ZNF638: variants seen among roughly 807,000 people sequenced by gnomAD.
ZNF638 encodes CTCL tumor antigen se33-1.
ZNF638 carries 46 observed loss-of-function variants against 195.6 expected under a neutral mutation model. That is an observed-to-expected ratio of 0.24 (90% CI 0.19 to 0.30). The LOEUF is 0.30. ZNF638 is among the 10% of genes least tolerant of loss of function. The probability of loss-of-function intolerance (pLI) is 1.00; values close to 1 mark genes in which losing one functional copy is unlikely to be tolerated. For synonymous variants in ZNF638, 845 were observed against 772.0 expected, an observed-to-expected ratio of 1.09 and a Z score of -1.57; for missense variants, 2,440 against 2,325.3, an observed-to-expected ratio of 1.05 and a Z score of -1.01.
chr2:71,407,982 TG>T, intron 19 of ZNF638, 139 bp from the exon 20 acceptor site: 2 of 700,658 alleles, frequency 2.9e-6, no homozygotes, highest in Non-Finnish European at 2.2e-6. Context: ...TCTGTGAACA[TG>T]GGTGTACAAA....
chr2:71,410,992 C>CATTT lies in ZNF638; in HGVS notation c.3261+2745_3261+2746insATTT, dbSNP rs1553484599. On this transcript the variant is annotated intron_variant, in intron 20 of 27. Coordinates refer to ENST00000264447, the MANE Select transcript of ZNF638 (RefSeq NM_014497.5). The stretch of plus-strand genomic sequence containing the variant: ...CTCCCCACCCACCACCTCCCCCCCC[C>CATTT]TTTTTTTTTTTTTTTTTTTTGTCGA... 9.4e-4 allele frequency among the ~76,000 whole-genome samples: 23 copies of CATTT among 24,508 alleles called. 2 individuals are homozygous for CATTT. Among genetic ancestry groups the CATTT allele is most frequent in the Non-Finnish European group, 1.5e-3 (20 of 12,952 alleles). 16.1% of individuals were successfully genotyped at this position (24,508 alleles called of 152,430 possible). A position where few individuals can be genotyped will look rare whatever the true frequency, so the allele number is the denominator to read the frequency against.
Position 71,386,052 on chromosome 2 carries a change from A to T in ZNF638, c.2377+5487A>T, listed in dbSNP as rs574106432. On this transcript the variant is annotated intron_variant, in intron 10 of 27. Transcript: ENST00000264447. Reference sequence around the variant, plus strand: ...AGAACATATGATCCTTTCCATAAATACTGAAAGGGATATTAACTTCAACAT... The same window carrying T: ...AGAACATATGATCCTTTCCATAAATTCTGAAAGGGATATTAACTTCAACAT... Among the ~76,000 whole-genome samples the T allele has an allele frequency of 1.1e-3, 172 of 152,310 alleles. 1 individual carries two copies. Among genetic ancestry groups the T allele is most frequent in the African/African-American group, 4.0e-3 (166 of 41,558 alleles).
At chr2:71,430,266 GAT>G (rs2080630363) in intron 25 of ZNF638, among the ~76,000 whole-genome samples, 1 of 152,016 alleles carries the variant, frequency 6.6e-6, no homozygotes. Flanking sequence ...GGCAGGAACA[GAT>G]ATGTTTGGGA....
intron 1 of ZNF638, chr2:71,341,815 T>TA (rs1383978952): frequency 6.6e-6 from 1 of 152,176 alleles, no homozygotes; most frequent in East Asian, 1.9e-4. Context: ...ATGGCTGTCT[T>TA]AATTTGTTTG....
rs967416236 is a variant in ZNF638 at position 71,430,462 on chromosome 2, C to A, written c.5651-865C>A. 2.0e-5 allele frequency among the ~76,000 whole-genome samples: 3 copies of A among 152,022 alleles called. 1 individual carries two copies. Among genetic ancestry groups the A allele is most frequent in the Non-Finnish European group, 4.4e-5 (3 of 68,008 alleles). On this transcript the variant is annotated intron_variant, in intron 25 of 27. Coordinates refer to ENST00000264447, the MANE Select transcript of ZNF638 (RefSeq NM_014497.5). ...AATGATTTCAGAGTTCCTTGCCATC[C>A]CCTCAGGAATACTAAAGAGTAGCCC...
intron 1 of ZNF638, among the ~76,000 whole-genome samples, chr2:71,339,092 C>T (rs900249812): frequency 8.0e-5 from 12 of 150,592 alleles, no homozygotes; most frequent in African/African-American, 2.7e-4. Context: ...ACTGTATGCT[C>T]ATCTGCACTT....
Position 71,337,544 on chromosome 2 carries a change from C to G in ZNF638, c.-203+5669C>G, listed in dbSNP as rs542047067. On this transcript the variant is annotated intron_variant, in intron 1 of 27. Transcript: ENST00000264447. Reference sequence around the variant, plus strand: ...CCTCCCAAGTGGCTGGGAGTACTGGCTCAGGCGCGCACCACCATGCCTGGC... The same window carrying G: ...CCTCCCAAGTGGCTGGGAGTACTGGGTCAGGCGCGCACCACCATGCCTGGC... Among the ~76,000 whole-genome samples the G allele has an allele frequency of 9.9e-4, 148 of 150,190 alleles. 2 individuals carry two copies. The highest frequency in any genetic ancestry group is 3.2e-3 in the African/African-American group (133 of 41,004).
intron 3 of ZNF638, among the ~76,000 whole-genome samples, chr2:71,362,111 A>G (rs1179749908): frequency 1.3e-5 from 2 of 152,224 alleles, no homozygotes; most frequent in Non-Finnish European, 2.9e-5. Context: ...AGAAGTTGAG[A>G]GTGAAGATAC....
chr2:71,396,539 TTAAG>T (rs2079898022), intron 11 of ZNF638, among the ~76,000 whole-genome samples: 1 of 152,360 alleles, frequency 6.6e-6, no homozygotes, highest in South Asian at 2.1e-4. Flanking sequence ...TAGGTAATTA[TTAAG>T]TTTTTTCTCT....
At chr2:71,433,370 C>A in intron 27 of ZNF638, 87 bp downstream of exon 27, 1 of 952,186 alleles carries the variant, frequency 1.1e-6, no homozygotes, top group Non-Finnish European at 1.7e-6. Flanking sequence ...ACATTTCCCC[C>A]CGCTTTAGGA....
chr2:71,431,486 G>A (rs186239871), intron 26 of ZNF638, 58 bp downstream of exon 26: 131 of 1,502,438 alleles, frequency 8.7e-5, no homozygotes, highest in African/African-American at 7.1e-4. Context: ...TCGGCCGGGC[G>A]CGGTGGCTCA....
At chr2:71,430,321 G>A (rs2152608709) in intron 25 of ZNF638, among the ~76,000 whole-genome samples, 2 of 152,264 alleles carry the variant, frequency 1.3e-5, no homozygotes, top group African/African-American at 4.8e-5. Flanking sequence ...TATAGAAAGA[G>A]ATTGGAGGCA....
chr2:71,368,426 A>T lies in ZNF638; in HGVS notation c.2040A>T (p.Ile680=), dbSNP rs1558847213. Residue 680 remains isoleucine (I), a synonymous_variant, in exon 7 of 28, where the codon ATA becomes ATT. Coordinates refer to ENST00000264447, the MANE Select transcript of ZNF638 (RefSeq NM_014497.5). ...TGCATTATGGTTCGGTTCTTCTTATAACTGAATTACCAGAGGATGGTTGTA... is the reference window on the plus strand; with the variant it reads ...TGCATTATGGTTCGGTTCTTCTTATTACTGAATTACCAGAGGATGGTTGTA... ...QSLHYGSVLL[I]TELPEDGCTE... is the part of the protein sequence containing the mutation. 6.2e-7 allele frequency: 1 copy of T among 1,613,464 alleles called. No individual in the cohort carries two copies. The highest frequency in any genetic ancestry group is 8.5e-7 in the Non-Finnish European group (1 of 1,179,752).
chr2:71,352,182 A>G (rs557255887), intron 2 of ZNF638, among the ~76,000 whole-genome samples: 1 of 152,148 alleles, frequency 6.6e-6, no homozygotes, highest in South Asian at 2.1e-4. Flanking sequence ...TGCCTGTATA[A>G]AGAGGAGGAG....
chr2:71,419,841 TTCTCC>T (rs1441914704), intron 21 of ZNF638, among the ~76,000 whole-genome samples: 1 of 152,030 alleles, frequency 6.6e-6, no homozygotes, highest in Non-Finnish European at 1.5e-5. Context: ...TTGGTCATTG[TTCTCC>T]TCTCATTGTT....
intron 26 of ZNF638, among the ~76,000 whole-genome samples, chr2:71,431,787 A>G (rs2080670149): frequency 6.6e-6 from 1 of 151,972 alleles, no homozygotes; most frequent in African/African-American, 2.4e-5. Flanking sequence ...AAAACACCAT[A>G]ATAAGTATTC....
At chr2:71,408,774 T>A in intron 20 of ZNF638, 1 of 440,408 alleles carries the variant, frequency 2.3e-6, no homozygotes, top group Non-Finnish European at 4.6e-6. Flanking sequence ...TATGCTGATA[T>A]CAGAGGTAAG....
chr2:71,352,268 A>G (rs1181939810), intron 2 of ZNF638, among the ~76,000 whole-genome samples: 3 of 152,058 alleles, frequency 2.0e-5, no homozygotes, highest in Non-Finnish European at 4.4e-5. Context: ...ACCTGAGGTC[A>G]GGAGTTCAAG....
intron 2 of ZNF638, among the ~76,000 whole-genome samples, chr2:71,350,876 A>G (rs1228577078): frequency 6.6e-6 from 1 of 152,202 alleles, no homozygotes; most frequent in Non-Finnish European, 1.5e-5. Context: ...AATAGTGTAA[A>G]ATGATAGAAA....
Sources: gnomAD v4.1 joint callset for allele counts (sites outside exome capture counted in the v4.1 genomes callset) on GRCh38, gnomAD v4.1.1 for gene constraint, MANE v1.5 for transcripts, NCBI Gene and HGNC (gene_info 2026-07-23, HGNC 2026-07-21) for gene names.